The following DYRK1B variants were observed in gnomAD, a reference collection of about 807,000 sequenced individuals.
DYRK1B encodes dual specificity tyrosine phosphorylation regulated kinase 1B, also known as dual specificity tyrosine-phosphorylation-regulated kinase 1B.
DYRK1B carries 20 observed loss-of-function variants against 57.1 expected under a neutral mutation model. The ratio of observed to expected loss-of-function variants is 0.35; its 90% CI spans 0.25 to 0.51. DYRK1B has a LOEUF of 0.51. Ranked by LOEUF, DYRK1B falls within the 20% of genes least tolerant of loss-of-function variation. DYRK1B has a pLI of 0.96. For missense variants in DYRK1B, 732 were observed against 886.3 expected, an observed-to-expected ratio of 0.83 and a Z score of 2.21; for synonymous variants, 409 against 384.7, an observed-to-expected ratio of 1.06 and a Z score of -0.74.
intron 1 of DYRK1B, among the ~76,000 whole-genome samples, chr19:39,832,445 A>C (rs1461469638): frequency 6.6e-6 from 1 of 152,126 alleles, no homozygotes; most frequent in Non-Finnish European, 1.5e-5. Flanking sequence ...CCCGTAGCAC[A>C]GCCAGGGCCA....
chr19:39,827,321 A>G lies in DYRK1B; in HGVS notation c.1059T>C (p.Gly353=). The change falls in exon 8 of 11, where the codon GGT becomes GGC. Residue 353 remains glycine (G), a synonymous_variant. Transcript: ENST00000323039. The part of the protein sequence containing the change: ...ARKYFERLPG[G]GWTLRRTKEL... ...CTTTCGTCCTTCGTAGGGTCCAGCC[A>G]CCCCCAGGCAGCCGTTCAAAGTACT... 6.2e-7 allele frequency: 1 copy of G among 1,613,414 alleles called. No homozygotes were observed. The highest frequency in any genetic ancestry group is 8.5e-7 in the Non-Finnish European group (1 of 1,179,580).
chr19:39,830,500 T>G lies in DYRK1B; in HGVS notation c.247A>C (p.Lys83Gln). The change falls in exon 4 of 11, where the codon AAG becomes CAG. Residue 83 changes from lysine to glutamine, a missense_variant. Lys to Gln is a moderately conservative substitution (Grantham distance 53, BLOSUM62 1). Coordinates refer to ENST00000323039, the MANE Select transcript of DYRK1B (RefSeq NM_004714.3). The part of the protein sequence containing the change: ...QAPPQDSSNK[K>Q]EKKVLNHGYD... ...CCATGGTTCAGGACCTTCTTCTCCT[T>G]CTTGTTGCTCGAATCCTGGGGTGGC... 6.2e-7 allele frequency: 1 copy of G among 1,614,118 alleles called. No homozygotes were observed.
rs892316410 is a variant in DYRK1B at position 39,825,525 on chromosome 19, C to T, written c.*190G>A. On this transcript the variant is annotated 3_prime_UTR_variant, in exon 11 of 11. Transcript: ENST00000323039. Reference sequence around the variant, plus strand: ...GGGGAGAGGGGCCCAAGGGTCCAGTCCTTAGTGGGGAGGGAGCGGCCAAAA... The same window carrying T: ...GGGGAGAGGGGCCCAAGGGTCCAGTTCTTAGTGGGGAGGGAGCGGCCAAAA... The T allele has an allele frequency of 3.3e-6, 2 of 611,260 alleles. No individual in the cohort carries two copies. The highest frequency in any genetic ancestry group is 5.6e-5 in the East Asian group (2 of 35,434). The allele number at this position is 611,260 out of a possible 1,614,324, so 37.9% of individuals were successfully genotyped here. A position where few individuals can be genotyped will look rare whatever the true frequency, so the allele number is the denominator to read the frequency against.
At chr19:39,827,095 A>G (rs1404035169) in intron 8 of DYRK1B, 108 bp from the exon 9 acceptor site, 3 of 1,207,418 alleles carry the variant, frequency 2.5e-6, no homozygotes, top group East Asian at 5.3e-5. Context: ...AAGTGGAAAG[A>G]AAAGCTAAGA....
intron 6 of DYRK1B, 68 bp from the exon 7 acceptor site, chr19:39,827,724 A>AG: frequency 6.4e-7 from 1 of 1,567,386 alleles, no homozygotes; most frequent in South Asian, 1.1e-5. Context: ...CCCAAAGCTA[A>AG]GAGGACCCAA....
intron 2 of DYRK1B, among the ~76,000 whole-genome samples, chr19:39,831,534 T>A (rs1366321636): frequency 1.3e-5 from 2 of 152,192 alleles, no homozygotes; most frequent in Non-Finnish European, 2.9e-5. Flanking sequence ...GAAGTAGGTA[T>A]CATTATTGGC....
At chr19:39,832,040 G>A (rs1968842368) in intron 1 of DYRK1B, 72 bp from the exon 2 acceptor site, 1 of 1,356,982 alleles carries the variant, frequency 7.4e-7, no homozygotes, top group South Asian at 1.7e-5. Flanking sequence ...GCGGGGAAGA[G>A]TGGACATGAG....
At chr19:39,827,777 CAA>C in intron 6 of DYRK1B, 121 bp from the exon 7 acceptor site, 1 of 1,227,816 alleles carries the variant, frequency 8.1e-7, no homozygotes, top group Non-Finnish European at 1.1e-6. Flanking sequence ...ACTGAGGCTC[CAA>C]ATCCTGCCAT....
Position 39,833,311 on chromosome 19 carries a change from T to C in DYRK1B, c.-102+712A>G, listed in dbSNP as rs976081319. 5 of 984,890 alleles carry C rather than the reference T, an allele frequency of 5.1e-6. No homozygotes were observed. The African/African-American group carries it at 8.8e-5, about 17-fold the overall frequency. The allele number at this position is 984,890 out of a possible 1,614,324, so 61.0% of individuals were successfully genotyped here. ...GGGCCCACGGGGGGCTGGGGCGCGG[T>C]GGGGCCCCCAGTGGGGTGGGCGAGC... On this transcript the variant is annotated intron_variant, in intron 1 of 10. Transcript: ENST00000323039.
In DYRK1B at chr19:39,830,553, G is replaced by A. The variant is rs146458379; in HGVS notation, c.194C>T (p.Ala65Val). 19 of 1,613,968 alleles carry A rather than the reference G, an allele frequency of 1.2e-5. No individual in the cohort carries two copies. Among genetic ancestry groups the A allele is most frequent in the African/African-American group, 8.0e-5 (6 of 74,922 alleles). ...TYKHINEVYYAKKKRRAQQAP... is the reference protein window; with the variant it reads ...TYKHINEVYYVKKKRRAQQAP... Reference sequence around the variant, plus strand: ...CTGCTGGGCCCGCCGCTTCTTCTTCGCATAGTATACCTGCCCAGCCAGCCA... The same window carrying A: ...CTGCTGGGCCCGCCGCTTCTTCTTCACATAGTATACCTGCCCAGCCAGCCA... The change falls in exon 4 of 11, where the codon GCG (alanine) becomes GTG (valine). Residue 65 changes from alanine (A) to valine (V), a missense_variant. By Grantham distance (64) the Ala-to-Val change is moderately conservative (BLOSUM62 0). Coordinates refer to ENST00000323039, the MANE Select transcript of DYRK1B (RefSeq NM_004714.3).
chr19:39,830,207 G>C, intron 4 of DYRK1B, 168 bp downstream of exon 4: 1 of 1,136,352 alleles, frequency 8.8e-7, no homozygotes, highest in Non-Finnish European at 1.3e-6. Flanking sequence ...ACGACCTTAT[G>C]TTGAGTCTTG....
At position 39,831,919 on chromosome 19, in the gene DYRK1B, G is replaced by A. The variant is rs546514883; in HGVS notation, c.-52C>T. ...CGAGGCCTGGAGCGGGAGCCCGGCCGGGGGGCGCCTTCTTGCATCCTGCAC... is the reference window on the plus strand; with the variant it reads ...CGAGGCCTGGAGCGGGAGCCCGGCCAGGGGGCGCCTTCTTGCATCCTGCAC... On this transcript the variant is annotated 5_prime_UTR_variant, in exon 2 of 11. Transcript: ENST00000323039. 2.7e-5 allele frequency: 39 copies of A among 1,437,596 alleles called. No homozygotes were observed. The highest frequency in any genetic ancestry group is 2.4e-4 in the East Asian group (9 of 37,444). 89.1% of individuals were successfully genotyped at this position (1,437,596 alleles called of 1,614,324 possible).
intron 5 of DYRK1B, 43 bp downstream of exon 5, chr19:39,829,837 C>A: frequency 6.2e-7 from 1 of 1,603,000 alleles, no homozygotes; most frequent in South Asian, 1.1e-5. Flanking sequence ...CTCCAGCTCC[C>A]GCTATCCCAG....
intron 2 of DYRK1B, 128 bp downstream of exon 2, chr19:39,831,677 A>G: frequency 8.2e-7 from 1 of 1,218,532 alleles, no homozygotes; most frequent in Non-Finnish European, 1.2e-6. Flanking sequence ...TTATTTTCCA[A>G]TCCCATGGGA....
rs770274722 is a variant in DYRK1B at position 39,827,268 on chromosome 19, T to C, written c.1095+17A>G. On this transcript the variant is annotated intron_variant, in intron 8 of 10. Transcript: ENST00000323039. ...GGGCCACGGGGTGGGAGGAGTGGCATGGGGCAGGGGCCGCACCTTCCTGAG... is the reference window on the plus strand; with the variant it reads ...GGGCCACGGGGTGGGAGGAGTGGCACGGGGCAGGGGCCGCACCTTCCTGAG... 6.3e-7 allele frequency: 1 copy of C among 1,596,250 alleles called. No homozygotes were observed. The highest frequency in any genetic ancestry group is 2.3e-5 in the East Asian group (1 of 44,420).
intron 5 of DYRK1B, 62 bp downstream of exon 5, chr19:39,829,818 C>T (rs1026016956): frequency 6.3e-7 from 1 of 1,585,776 alleles, no homozygotes; most frequent in Non-Finnish European, 8.6e-7. Flanking sequence ...TGTGACCCAT[C>T]CCTACTGGCT....
At position 39,826,625 on chromosome 19, in the gene DYRK1B, G is replaced by C. The variant is rs759957207; in HGVS notation, c.1411+47C>G. 6.6e-7 allele frequency: 1 copy of C among 1,517,458 alleles called. No individual in the cohort carries two copies. The highest frequency in any genetic ancestry group is 1.4e-5 in the African/African-American group (1 of 71,518). The allele number at this position is 1,517,458 out of a possible 1,614,324, so 94.0% of individuals were successfully genotyped here. On this transcript the variant is annotated intron_variant, in intron 9 of 10. Coordinates refer to ENST00000323039, the MANE Select transcript of DYRK1B (RefSeq NM_004714.3). The surrounding 1 kb of genome is among the most constrained non-coding windows in gnomAD (Gnocchi z 6.3). ...AGGTCCCCCAGGACAGGCCAAACCT[G>C]AGCAGCCCCCACCCGTTGTACCCCA...
Position 39,830,363 on chromosome 19 carries a change from G to A in DYRK1B, c.372+12C>T. 6.2e-7 allele frequency: 1 copy of A among 1,614,006 alleles called. No individual in the cohort carries two copies. The highest frequency in any genetic ancestry group is 1.1e-5 in the South Asian group (1 of 91,082). ...GGGGCCTTGGATCAGGGTGGTGGGG[G>A]GTGTCCCACACCTGGCCAAAGGAGC... On this transcript the variant is annotated intron_variant, in intron 4 of 10. Coordinates refer to ENST00000323039, the MANE Select transcript of DYRK1B (RefSeq NM_004714.3).
chr19:39,830,049 C>G (rs778270175), intron 4 of DYRK1B, 22 bp from the exon 5 acceptor site: 7 of 1,612,450 alleles, frequency 4.3e-6, no homozygotes, highest in Non-Finnish European at 5.9e-6. Context: ...GGGCATGTCA[C>G]GAAGAAAGGG....
Sources: allele counts gnomAD v4.1 joint callset (sites outside exome capture counted in the v4.1 genomes callset), GRCh38; gene constraint gnomAD v4.1.1; non-coding constraint Gnocchi (gnomAD v3.1); transcripts MANE v1.5; gene names NCBI Gene and HGNC (gene_info 2026-07-23, HGNC 2026-07-21).